KCNN2: variants seen among roughly 807,000 people sequenced by gnomAD.
KCNN2 encodes potassium calcium-activated channel subfamily N member 2, also known as small conductance calcium-activated potassium channel protein 2.
A neutral mutation model predicts 55.5 loss-of-function variants in KCNN2; 24 were observed. That is an observed-to-expected ratio of 0.43 (90% CI 0.31 to 0.61). The LOEUF (loss-of-function observed/expected upper bound fraction) is 0.61, where lower values mean the gene tolerates loss of function less well. Among genes scored for constraint, KCNN2 ranks in the 20% least tolerant of loss-of-function variants. The probability of loss-of-function intolerance (pLI) is 0.08; values close to 1 mark genes in which losing one functional copy is unlikely to be tolerated. For missense variants in KCNN2, 754 were observed against 853.6 expected, an observed-to-expected ratio of 0.88 and a Z score of 1.45; for synonymous variants, 431 against 336.1, an observed-to-expected ratio of 1.28 and a Z score of -3.09.
intron 2 of KCNN2, among the ~76,000 whole-genome samples, chr5:114,290,963 T>G (rs146133032): frequency 5.8e-4 from 89 of 152,230 alleles, no homozygotes; most frequent in African/African-American, 2.1e-3. Context: ...GTTGCAATCC[T>G]TTTAACCTTA....
At chr5:114,347,428 C>CA (rs1757127107) in intron 2 of KCNN2, among the ~76,000 whole-genome samples, 1 of 152,124 alleles carries the variant, frequency 6.6e-6, no homozygotes, top group South Asian at 2.1e-4. Flanking sequence ...GGGTAAAGCC[C>CA]ACTTACTAGG....
At chr5:114,434,180 AT>A (rs56696315) in intron 3 of KCNN2, among the ~76,000 whole-genome samples, 5 of 151,006 alleles carry the variant, frequency 3.3e-5, no homozygotes, top group African/African-American at 4.9e-5. Context: ...TTATACTACT[AT>A]TTTTTTTCTG....
chr5:114,234,530 A>T (rs976104479), intron 2 of KCNN2, among the ~76,000 whole-genome samples: 1 of 152,254 alleles, frequency 6.6e-6, no homozygotes, highest in Non-Finnish European at 1.5e-5. Context: ...AGCAAAACAT[A>T]TTCCAAATGA....
intron 1 of KCNN2, among the ~76,000 whole-genome samples, chr5:114,062,580 G>A (rs1242850728): frequency 6.6e-6 from 1 of 152,326 alleles, no homozygotes; most frequent in Non-Finnish European, 1.5e-5. Flanking sequence ...CAAGTTACAT[G>A]TTAATTGACT....
At chr5:114,463,331 G>C in intron 4 of KCNN2, 141 bp downstream of exon 4, 1 of 606,246 alleles carries the variant, frequency 1.6e-6, no homozygotes. Context: ...ATTTTGTGTT[G>C]AGAGAGAATG....
intron 3 of KCNN2, among the ~76,000 whole-genome samples, chr5:114,457,051 C>G (rs1222923026): frequency 4.6e-5 from 7 of 152,098 alleles, no homozygotes; most frequent in Admixed American, 4.6e-4. Context: ...AGGATTGATT[C>G]CAATTTTGAA....
At chr5:114,370,678 C>G (rs111877039) in intron 2 of KCNN2, among the ~76,000 whole-genome samples, 19 of 151,984 alleles carry the variant, frequency 1.3e-4, no homozygotes, top group African/African-American at 4.3e-4. Context: ...CAGGAATTTA[C>G]TGTGCTTAAG....
At chr5:114,057,433 C>G (rs576419813) in intron 1 of KCNN2, among the ~76,000 whole-genome samples, 1 of 152,038 alleles carries the variant, frequency 6.6e-6, no homozygotes, top group Non-Finnish European at 1.5e-5. Flanking sequence ...GTGGGGGAAC[C>G]GAGATTGAAG....
At chr5:114,138,053 T>A (rs1047053538) in intron 1 of KCNN2, among the ~76,000 whole-genome samples, 42 of 152,182 alleles carry the variant, frequency 2.8e-4, no homozygotes, top group Non-Finnish European at 1.5e-4. Context: ...TCCTTCCAGT[T>A]TACTGTCGTT....
chr5:114,178,974 G>A (rs1221612860), intron 1 of KCNN2, among the ~76,000 whole-genome samples: 1 of 152,156 alleles, frequency 6.6e-6, no homozygotes, highest in East Asian at 1.9e-4. Flanking sequence ...TGGAGACTTT[G>A]AATGCAAAGA....
At chr5:114,218,093 C>G (rs1331907186) in intron 1 of KCNN2, among the ~76,000 whole-genome samples, 2 of 152,274 alleles carry the variant, frequency 1.3e-5, no homozygotes, top group Admixed American at 6.5e-5. Context: ...GCTGACAATA[C>G]CAAATGCTGA....
Position 114,443,919 on chromosome 5 carries a change from T to C in KCNN2, c.1638-19130T>C, listed in dbSNP as rs7705628. Among the ~76,000 whole-genome samples, 494 of 152,352 alleles carry C rather than the reference T, an allele frequency of 3.2e-3. 2 individuals are homozygous for C. The highest frequency in any genetic ancestry group is 0.011 in the African/African-American group (461 of 41,568). ...GGAAAGGTGGGTTGGGACCCAATTA[T>C]TAATGGCTTGGGGTATATGCTAAAG... On this transcript the variant is annotated intron_variant, in intron 3 of 7. Transcript: ENST00000673685.
intron 2 of KCNN2, among the ~76,000 whole-genome samples, chr5:114,248,835 G>A (rs1402386113): frequency 6.6e-6 from 1 of 152,136 alleles, no homozygotes; most frequent in African/African-American, 2.4e-5. Flanking sequence ...TAATCCATAA[G>A]TTATAGAGAG....
At chr5:114,267,143 A>G (rs7729115) in intron 2 of KCNN2, among the ~76,000 whole-genome samples, 129,775 of 152,048 alleles carry the variant, frequency 0.85, 55,483 homozygotes, top group East Asian at 0.94. Flanking sequence ...CTAAAGGCGT[A>G]TGCCACAATG....
At chr5:114,229,606 AT>A (rs1426370398) in intron 2 of KCNN2, among the ~76,000 whole-genome samples, 1 of 128,476 alleles carries the variant, frequency 7.8e-6, no homozygotes. Context: ...TTAGATGTAA[AT>A]ATTAGTATGT....
At chr5:114,057,049 A>ATATT (rs1308660688) in intron 1 of KCNN2, 1 of 152,156 alleles carries the variant, frequency 6.6e-6, no homozygotes, top group Non-Finnish European at 1.5e-5. Context: ...GTTTTCTAGA[A>ATATT]AATAAATTGC....
intron 2 of KCNN2, among the ~76,000 whole-genome samples, chr5:114,398,221 G>A (rs1758679612): frequency 6.6e-6 from 1 of 152,120 alleles, no homozygotes; most frequent in Non-Finnish European, 1.5e-5. Flanking sequence ...TATAAAGAAG[G>A]AATCCAGTTT....
At chr5:114,401,927 A>G (rs1219325101) in intron 2 of KCNN2, among the ~76,000 whole-genome samples, 4 of 152,216 alleles carry the variant, frequency 2.6e-5, no homozygotes, top group East Asian at 3.8e-4. Flanking sequence ...GGGCCTTTGA[A>G]TGGTGTTAAT....
rs116200025 is a variant in KCNN2 at position 114,064,836 on chromosome 5, T to C, written c.-271+8336T>C. 3.9e-3 allele frequency among the ~76,000 whole-genome samples: 595 copies of C among 152,330 alleles called. 3 individuals are homozygous for C. Among genetic ancestry groups the C allele is most frequent in the Non-Finnish European group, 6.0e-3 (405 of 68,038 alleles). On this transcript the variant is annotated intron_variant, in intron 1 of 10. Coordinates refer to the KCNN2 transcript ENST00000512097. Reference sequence around the variant, plus strand: ...GTATATTAGAAGGGAAACATTGTTATTAATTTCATTAATAAAATTATTAGT... The same window carrying C: ...GTATATTAGAAGGGAAACATTGTTACTAATTTCATTAATAAAATTATTAGT...
Sources: gnomAD v4.1 joint callset for allele counts (sites outside exome capture counted in the v4.1 genomes callset) on GRCh38, gnomAD v4.1.1 for gene constraint, MANE v1.5 for transcripts, NCBI Gene and HGNC (gene_info 2026-07-23, HGNC 2026-07-21) for gene names.